MAGI2: variants seen among roughly 807,000 people sequenced by gnomAD.
The protein encoded by MAGI2 is membrane-associated guanylate kinase, WW and PDZ domain-containing protein 2.
Under a neutral mutation model 133.3 loss-of-function variants are expected in MAGI2, and 35 were observed. That is an observed-to-expected ratio of 0.26 (90% CI 0.20 to 0.35). The LOEUF is 0.35. Ranked by LOEUF, MAGI2 falls within the 10% of genes least tolerant of loss-of-function variation. The pLI, the probability that MAGI2 is intolerant of heterozygous loss-of-function variation, is 1.00. For missense variants in MAGI2, 1,636 were observed against 1,863.4 expected (o/e 0.88, Z 2.25); for synonymous variants, 729 against 710.6 (o/e 1.03, Z -0.41).
At chr7:79,104,034 G>T (rs1229506311) in intron 1 of MAGI2, among the ~76,000 whole-genome samples, 1 of 152,056 alleles carries the variant, frequency 6.6e-6, no homozygotes, top group Non-Finnish European at 1.5e-5. Context: ...CTACATGGTT[G>T]TATTCACTTT....
chr7:78,175,768 C>G (rs979231290), intron 14 of MAGI2, among the ~76,000 whole-genome samples: 2 of 152,074 alleles, frequency 1.3e-5, no homozygotes, highest in African/African-American at 4.8e-5. Flanking sequence ...TCGAGTTTGG[C>G]TCACTCTGGA....
chr7:79,327,275 G>A (rs1339095015), intron 1 of MAGI2, among the ~76,000 whole-genome samples: 1 of 152,150 alleles, frequency 6.6e-6, no homozygotes, highest in African/African-American at 2.4e-5. Flanking sequence ...GTATTCTTCT[G>A]AGGATTTGGT....
intron 2 of MAGI2, among the ~76,000 whole-genome samples, chr7:78,945,533 T>C (rs1195877663): frequency 6.6e-6 from 1 of 152,178 alleles, no homozygotes; most frequent in East Asian, 1.9e-4. Context: ...CTTTACATTT[T>C]CAAGAATACA....
chr7:78,786,408 C>T lies in MAGI2; in HGVS notation c.419-159169G>A, dbSNP rs557571571. Among the ~76,000 whole-genome samples the T allele has an allele frequency of 3.3e-5, 5 of 152,272 alleles. No individual in the cohort carries two copies. In the South Asian group the frequency reaches 1.0e-3, roughly 32 times the overall value. On this transcript the variant is annotated intron_variant, in intron 2 of 21. Transcript: ENST00000354212. ...CAATCCTATGGGTCCTTTTTAATCCCAAAGAGTTCCTATTTCATTCAAAAT... is the reference window on the plus strand; with the variant it reads ...CAATCCTATGGGTCCTTTTTAATCCTAAAGAGTTCCTATTTCATTCAAAAT...
intron 2 of MAGI2, among the ~76,000 whole-genome samples, chr7:78,690,964 A>G (rs73145196): frequency 0.05 from 7,660 of 152,268 alleles, 280 homozygotes; most frequent in Non-Finnish European, 0.077. Context: ...ATAGAGCACA[A>G]CATTTTCACA....
intron 16 of MAGI2, among the ~76,000 whole-genome samples, chr7:78,157,898 C>T: frequency 6.6e-6 from 1 of 152,302 alleles, no homozygotes; most frequent in African/African-American, 2.4e-5. Context: ...TGAAATTGTA[C>T]TTTCAGATGT....
rs756968490 is a variant in MAGI2 at position 78,168,150 on chromosome 7, C to A, written c.2404-42G>T. 42 of 1,522,172 alleles carry A rather than the reference C, an allele frequency of 2.8e-5. 1 individual carries two copies. In the South Asian group the frequency reaches 4.2e-4, roughly 15 times the overall value. The allele number at this position is 1,522,172 out of a possible 1,614,324, so 94.3% of individuals were successfully genotyped here. ...AAGGAAAGGACATTCACATTTCAAT[C>A]CTTTTTCCTTTTTTTTTTTTTTCGA... On this transcript the variant is annotated intron_variant, in intron 14 of 21. Coordinates refer to ENST00000354212, the MANE Select transcript of MAGI2 (RefSeq NM_012301.4).
chr7:79,132,602 T>C (rs1821032621), intron 1 of MAGI2, among the ~76,000 whole-genome samples: 2 of 152,162 alleles, frequency 1.3e-5, no homozygotes, highest in African/African-American at 4.8e-5. Context: ...TCTATAAACA[T>C]ATGGGTGTAA....
At chr7:79,054,325 T>C (rs899046695) in intron 1 of MAGI2, among the ~76,000 whole-genome samples, 2 of 152,124 alleles carry the variant, frequency 1.3e-5, no homozygotes, top group African/African-American at 4.8e-5. Context: ...ATTATAAAAG[T>C]CCTTTCAAAA....
intron 2 of MAGI2, among the ~76,000 whole-genome samples, chr7:78,898,529 T>G (rs1219659156): frequency 6.6e-6 from 1 of 152,140 alleles, no homozygotes; most frequent in East Asian, 1.9e-4. Context: ...TGGAGGCCAT[T>G]CTCCTTAGCA....
chr7:78,073,196 C>T (rs759628493), intron 21 of MAGI2, among the ~76,000 whole-genome samples: 27 of 152,142 alleles, frequency 1.8e-4, no homozygotes, highest in African/African-American at 3.1e-4. Context: ...ACTTACAAAA[C>T]GTAAACAATT....
chr7:78,236,615 C>G (rs899422001), intron 10 of MAGI2, among the ~76,000 whole-genome samples: 4 of 152,112 alleles, frequency 2.6e-5, no homozygotes, highest in African/African-American at 9.7e-5. Flanking sequence ...TACATTTATA[C>G]TGATAACTGA....
intron 2 of MAGI2, among the ~76,000 whole-genome samples, chr7:78,985,318 G>A (rs906946376): frequency 1.3e-5 from 2 of 151,830 alleles, no homozygotes; most frequent in Non-Finnish European, 2.9e-5. Flanking sequence ...TTATTAATTT[G>A]TTCATCAACT....
chr7:78,863,554 A>G (rs374393260), intron 2 of MAGI2, among the ~76,000 whole-genome samples: 89 of 152,348 alleles, frequency 5.8e-4, no homozygotes, highest in African/African-American at 2.0e-3. Context: ...ATTTTCTCCC[A>G]TGATCCAAAT....
intron 2 of MAGI2, among the ~76,000 whole-genome samples, chr7:78,760,115 CAA>C (rs66987278): frequency 6.0e-5 from 9 of 148,998 alleles, no homozygotes; most frequent in African/African-American, 2.0e-4. Context: ...GACTCCGTCT[CAA>C]AAAAAAAATA....
intron 1 of MAGI2, among the ~76,000 whole-genome samples, chr7:79,159,517 CAAAA>C (rs57296916): frequency 2.8e-5 from 3 of 107,382 alleles, no homozygotes; most frequent in Non-Finnish European, 2.0e-5. Context: ...GACTCAGTCT[CAAAA>C]AAAAAAAAAA....
At chr7:78,176,112 G>A (rs1826574438) in intron 14 of MAGI2, among the ~76,000 whole-genome samples, 1 of 152,124 alleles carries the variant, frequency 6.6e-6, no homozygotes, top group Non-Finnish European at 1.5e-5. Flanking sequence ...GGAGATGGGG[G>A]AGAGTAAACA....
intron 1 of MAGI2, among the ~76,000 whole-genome samples, chr7:79,259,327 G>C (rs1296497377): frequency 6.6e-6 from 1 of 152,042 alleles, no homozygotes; most frequent in East Asian, 1.9e-4. Context: ...AAGCTGAATG[G>C]CACCTTATAG....
intron 1 of MAGI2, among the ~76,000 whole-genome samples, chr7:79,016,799 C>G (rs571744717): frequency 6.6e-6 from 1 of 152,300 alleles, no homozygotes; most frequent in Admixed American, 6.5e-5. Context: ...CACCCCTATG[C>G]CAATATTGCC....
Sources: allele counts gnomAD v4.1 joint callset (sites outside exome capture counted in the v4.1 genomes callset), GRCh38; gene constraint gnomAD v4.1.1; transcripts MANE v1.5; gene names NCBI Gene and HGNC (gene_info 2026-07-23, HGNC 2026-07-21).